The following DTNBP1 variants were observed in gnomAD, a reference collection of about 807,000 sequenced individuals.
DTNBP1 encodes the protein dysbindin.
DTNBP1 carries 35 observed loss-of-function variants against 42.8 expected under a neutral mutation model. The observed-to-expected ratio is 0.82, with a 90% CI of 0.63 to 1.09. DTNBP1 has a LOEUF of 1.09. DTNBP1 is among the 50% of genes least tolerant of loss of function. DTNBP1 has a pLI of 0.00. For synonymous variants in DTNBP1, 171 were observed against 162.2 expected, an observed-to-expected ratio of 1.05 and a Z score of -0.41; for missense variants, 457 against 424.2, an observed-to-expected ratio of 1.08 and a Z score of -0.68.
intron 7 of DTNBP1, among the ~76,000 whole-genome samples, chr6:15,567,840 T>C (rs1775165164): frequency 6.6e-6 from 1 of 152,212 alleles, no homozygotes; most frequent in Admixed American, 6.5e-5. Flanking sequence ...GACAAAACAA[T>C]AATGTTAAAA....
At chr6:15,605,675 G>A (rs1359557726) in intron 6 of DTNBP1, among the ~76,000 whole-genome samples, 1 of 152,040 alleles carries the variant, frequency 6.6e-6, no homozygotes, top group Non-Finnish European at 1.5e-5. Context: ...CCATGTAAAT[G>A]GTTTTAAGTT....
chr6:15,583,014 C>G (rs1775905184), intron 7 of DTNBP1, among the ~76,000 whole-genome samples: 2 of 152,272 alleles, frequency 1.3e-5, no homozygotes, highest in South Asian at 2.1e-4. Context: ...GGGTCTTGCT[C>G]TGTTGCCCAG....
chr6:15,645,094 T>C (rs1336338065), intron 3 of DTNBP1, among the ~76,000 whole-genome samples: 2 of 151,626 alleles, frequency 1.3e-5, no homozygotes, highest in African/African-American at 4.8e-5. Flanking sequence ...ATGACAAAAG[T>C]GACATCATAA....
intron 6 of DTNBP1, among the ~76,000 whole-genome samples, chr6:15,611,395 C>T (rs1758392146): frequency 6.6e-6 from 1 of 152,166 alleles, no homozygotes; most frequent in Admixed American, 6.5e-5. Flanking sequence ...CACCCAAGAG[C>T]TCTCATGGAG....
chr6:15,660,278 TC>T (rs1761529073), intron 1 of DTNBP1: 1 of 1,115,168 alleles, frequency 9.0e-7, no homozygotes, highest in Non-Finnish European at 1.2e-6. Context: ...TTTAGCGTCA[TC>T]TTTTCTCCTC....
chr6:15,589,318 G>A (rs1245574403), intron 7 of DTNBP1, among the ~76,000 whole-genome samples: 1 of 152,190 alleles, frequency 6.6e-6, no homozygotes, highest in Non-Finnish European at 1.5e-5. Context: ...CCCCTTCTAA[G>A]ATTTCAAACT....
intron 3 of DTNBP1, among the ~76,000 whole-genome samples, chr6:15,650,852 A>G (rs981306820): frequency 3.3e-5 from 5 of 152,192 alleles, no homozygotes; most frequent in Admixed American, 2.6e-4. Context: ...CTGACACACA[A>G]AAGTATTTGA....
intron 4 of DTNBP1, among the ~76,000 whole-genome samples, chr6:15,633,885 A>AT (rs1759839044): frequency 6.6e-6 from 1 of 152,180 alleles, no homozygotes; most frequent in African/African-American, 2.4e-5. Flanking sequence ...GCAATACAGT[A>AT]TTTTTTATTT....
chr6:15,585,568 T>C, intron 7 of DTNBP1: 1 of 830,190 alleles, frequency 1.2e-6, no homozygotes, highest in Non-Finnish European at 1.7e-6. Flanking sequence ...AATGTACTAC[T>C]TGTAGGTTCA....
At chr6:15,616,653 C>G (rs545443930) in intron 5 of DTNBP1, among the ~76,000 whole-genome samples, 3 of 152,344 alleles carry the variant, frequency 2.0e-5, no homozygotes, top group Admixed American at 6.5e-5. Flanking sequence ...TAGCTTTTTA[C>G]ATGACTTTCT....
intron 4 of DTNBP1, among the ~76,000 whole-genome samples, chr6:15,631,115 C>T (rs1048022522): frequency 6.6e-6 from 1 of 152,048 alleles, no homozygotes; most frequent in Non-Finnish European, 1.5e-5. Flanking sequence ...GTAAAGCCCA[C>T]CAAAGACACA....
chr6:15,525,814 C>G lies in DTNBP1; in HGVS notation c.668-1145G>C, dbSNP rs145089378. ...AGCGTAGCATCTGGTCACATTTCCC[C>G]GAAGCCAAGAAGGGGAGATAACTCT... is the stretch of plus-strand genomic sequence containing the variant. On this transcript the variant is annotated intron_variant, in intron 8 of 9. Coordinates refer to ENST00000344537, the MANE Select transcript of DTNBP1 (RefSeq NM_032122.5). Among the ~76,000 whole-genome samples, 101 of 152,212 alleles carry G rather than the reference C, an allele frequency of 6.6e-4. 1 individual carries two copies. In the East Asian group the frequency reaches 0.016, roughly 25 times the overall value.
At chr6:15,632,399 A>C (rs1001808795) in intron 4 of DTNBP1, among the ~76,000 whole-genome samples, 1 of 152,224 alleles carries the variant, frequency 6.6e-6, no homozygotes, top group African/African-American at 2.4e-5. Context: ...TGAAGCCAAA[A>C]TGTGAACAAG....
intron 7 of DTNBP1, among the ~76,000 whole-genome samples, chr6:15,589,034 T>G (rs1375232573): frequency 6.6e-6 from 1 of 152,232 alleles, no homozygotes. Flanking sequence ...CCTGAGTCAC[T>G]TAAGTATTGT....
At chr6:15,568,099 T>G (rs1775177746) in intron 7 of DTNBP1, among the ~76,000 whole-genome samples, 1 of 152,142 alleles carries the variant, frequency 6.6e-6, no homozygotes, top group Non-Finnish European at 1.5e-5. Flanking sequence ...CCCTCTGAAA[T>G]AGTCCATAAA....
chr6:15,619,179 T>C (rs987476420), intron 5 of DTNBP1, among the ~76,000 whole-genome samples: 2 of 152,112 alleles, frequency 1.3e-5, no homozygotes, highest in Non-Finnish European at 2.9e-5. Context: ...AGTATAACAA[T>C]TTACTGTACA....
chr6:15,551,438 G>A (rs751173428), intron 7 of DTNBP1, among the ~76,000 whole-genome samples: 20 of 152,162 alleles, frequency 1.3e-4, no homozygotes, highest in Non-Finnish European at 1.9e-4. Context: ...CTAGGAAGCC[G>A]CTTTTCCAGC....
chr6:15,619,795 C>G (rs1758934983), intron 5 of DTNBP1, among the ~76,000 whole-genome samples: 1 of 152,024 alleles, frequency 6.6e-6, no homozygotes, highest in Admixed American at 6.6e-5. Flanking sequence ...AAGCATTTAT[C>G]CTTTGAGTTA....
chr6:15,577,712 C>G (rs1018747570), intron 7 of DTNBP1, among the ~76,000 whole-genome samples: 8 of 152,106 alleles, frequency 5.3e-5, no homozygotes, highest in African/African-American at 1.7e-4. Flanking sequence ...CTGGATAAAC[C>G]AGTCTAGAAT....
Sources: gnomAD v4.1 joint callset for allele counts (sites outside exome capture counted in the v4.1 genomes callset) on GRCh38, gnomAD v4.1.1 for gene constraint, MANE v1.5 for transcripts, NCBI Gene and HGNC (gene_info 2026-07-23, HGNC 2026-07-21) for gene names.